Variants in ELMO1 observed in about 807,000 individuals in gnomAD.
The protein encoded by ELMO1 is engulfment and cell motility 1, also known as engulfment and cell motility protein 1.
A neutral mutation model predicts 98.9 loss-of-function variants in ELMO1; 26 were observed. That is an observed-to-expected ratio of 0.26 (90% confidence interval 0.19 to 0.36). ELMO1 has a LOEUF of 0.36. Ranked by LOEUF, ELMO1 falls within the 10% of genes least tolerant of loss-of-function variation. The pLI, the probability that ELMO1 is intolerant of heterozygous loss-of-function variation, is 1.00. For missense variants in ELMO1, 627 were observed against 935.2 expected, an observed-to-expected ratio of 0.67 and a Z score of 4.30; for synonymous variants, 346 against 346.0, an observed-to-expected ratio of 1.00 and a Z score of 0.00.
In ELMO1 at chr7:37,104,071, C is replaced by G. The variant is rs1242184571; in HGVS notation, c.1192-7344G>C. ...ACAGAGAAAGGACCAAACTAATGTTCGATAATTTTCTTCCAGTCAAGACGT... is the reference window on the plus strand; with the variant it reads ...ACAGAGAAAGGACCAAACTAATGTTGGATAATTTTCTTCCAGTCAAGACGT... On this transcript the variant is annotated intron_variant, in intron 14 of 21. Transcript: ENST00000310758. Among the ~76,000 whole-genome samples the G allele has an allele frequency of 3.1e-5, 4 of 129,432 alleles. No homozygotes were observed. In the South Asian group the frequency reaches 1.1e-3, roughly 35 times the overall value. The allele number at this position is 129,432 out of a possible 152,430, so 84.9% of individuals were successfully genotyped here.
chr7:37,036,044 AAT>A (rs1363994164), intron 15 of ELMO1, among the ~76,000 whole-genome samples: 1 of 152,214 alleles, frequency 6.6e-6, no homozygotes, highest in Non-Finnish European at 1.5e-5. Flanking sequence ...AACTTTCTGT[AAT>A]GGATTTGTGT....
Position 36,870,798 on chromosome 7 carries a change from A to G in ELMO1, c.1823-323T>C, listed in dbSNP as rs193121224. Reference sequence around the variant, plus strand: ...CATGGCATTAGAAGCAGCAGTAGAAATAACAGTGATTGTAATAACAACAGT... The same window carrying G: ...CATGGCATTAGAAGCAGCAGTAGAAGTAACAGTGATTGTAATAACAACAGT... On this transcript the variant is annotated intron_variant, in intron 19 of 21. Coordinates refer to ENST00000310758, the MANE Select transcript of ELMO1 (RefSeq NM_014800.11). The surrounding 1 kb of genome is among the most constrained non-coding windows in gnomAD (Gnocchi z 4.4). Among the ~76,000 whole-genome samples, 1 of 152,360 alleles carries G rather than the reference A, an allele frequency of 6.6e-6. No individual in the cohort carries two copies. Among genetic ancestry groups the G allele is most frequent in the Non-Finnish European group, 1.5e-5 (1 of 68,028 alleles).
At chr7:37,382,183 A>G (rs1239078394) in intron 1 of ELMO1, among the ~76,000 whole-genome samples, 1 of 152,186 alleles carries the variant, frequency 6.6e-6, no homozygotes, top group Non-Finnish European at 1.5e-5. Context: ...CTACTTAGAA[A>G]CCACTAGGAT....
At position 37,014,270 on chromosome 7, in the gene ELMO1, TCCTCTTA is replaced by T. The variant is rs1793763104; in HGVS notation, c.1301-842_1301-836del. 4.6e-5 allele frequency among the ~76,000 whole-genome samples: 7 copies of T among 152,112 alleles called. No individual in the cohort carries two copies. In the South Asian group the frequency reaches 1.5e-3, roughly 32 times the overall value. ...TTATACCTCATTTGATCTTTACAGT[TCCTCTTA>T]CCACTCGTATCTTATGGATGAGGAT... On this transcript the variant is annotated intron_variant, in intron 15 of 21. Coordinates refer to ENST00000310758, the MANE Select transcript of ELMO1 (RefSeq NM_014800.11).
intron 1 of ELMO1, among the ~76,000 whole-genome samples, chr7:37,448,191 CCG>C (rs559795855): frequency 6.6e-6 from 1 of 151,942 alleles, no homozygotes; most frequent in East Asian, 1.9e-4. Context: ...GGAGAAGACG[CCG>C]AGTCTGAGCC....
intron 1 of ELMO1, among the ~76,000 whole-genome samples, chr7:37,357,968 A>G (rs909408504): frequency 1.3e-5 from 2 of 152,186 alleles, no homozygotes; most frequent in African/African-American, 4.8e-5. Context: ...TTGGGGGGAA[A>G]GTGGTCTGTG....
chr7:37,223,717 C>G (rs979963187), intron 9 of ELMO1, among the ~76,000 whole-genome samples: 1 of 152,160 alleles, frequency 6.6e-6, no homozygotes, highest in African/African-American at 2.4e-5. Context: ...CTTACATTAT[C>G]ATCATTTTGA....
intron 16 of ELMO1, chr7:36,986,364 G>T: frequency 3.1e-6 from 2 of 646,174 alleles, no homozygotes; most frequent in Non-Finnish European, 3.8e-6. Flanking sequence ...AGTGTCCTAT[G>T]CTCTTTTGTC....
intron 17 of ELMO1, among the ~76,000 whole-genome samples, chr7:36,891,702 T>G (rs1805566973): frequency 6.6e-6 from 1 of 152,242 alleles, no homozygotes; most frequent in South Asian, 2.1e-4. Context: ...AATCCAATGA[T>G]GTAGACATTT....
intron 16 of ELMO1, among the ~76,000 whole-genome samples, chr7:36,995,607 C>A (rs572726233): frequency 1.7e-4 from 26 of 151,914 alleles, no homozygotes; most frequent in African/African-American, 6.0e-4. Context: ...TACTACAAAA[C>A]ATGTTTCTGA....
chr7:37,010,842 T>G (rs1793495308), intron 16 of ELMO1, among the ~76,000 whole-genome samples: 1 of 152,184 alleles, frequency 6.6e-6, no homozygotes, highest in Admixed American at 6.5e-5. Context: ...TCTGGTTACA[T>G]AAGTAAGGCA....
chr7:37,283,102 TG>T (rs1797224764), intron 4 of ELMO1, among the ~76,000 whole-genome samples: 1 of 152,082 alleles, frequency 6.6e-6, no homozygotes, highest in African/African-American at 2.4e-5. Flanking sequence ...CAGACAGAGA[TG>T]GGTAGACAGT....
intron 1 of ELMO1, among the ~76,000 whole-genome samples, chr7:37,373,966 A>G (rs1482257527): frequency 2.0e-5 from 3 of 152,196 alleles, no homozygotes; most frequent in Admixed American, 6.5e-5. Flanking sequence ...CATTATGGGG[A>G]AAATGTACAG....
At chr7:37,157,856 A>G (rs955280977) in intron 13 of ELMO1, among the ~76,000 whole-genome samples, 9 of 152,240 alleles carry the variant, frequency 5.9e-5, no homozygotes, top group East Asian at 1.9e-4. Context: ...AGTCAATCCT[A>G]AGCCAAAAGA....
chr7:37,359,419 G>A (rs1358742514), intron 1 of ELMO1, among the ~76,000 whole-genome samples: 2 of 152,162 alleles, frequency 1.3e-5, no homozygotes, highest in Non-Finnish European at 2.9e-5. Context: ...GCAAACCACA[G>A]TACCTATGTC....
At chr7:36,973,780 C>A (rs576242490) in intron 16 of ELMO1, among the ~76,000 whole-genome samples, 1 of 152,144 alleles carries the variant, frequency 6.6e-6, no homozygotes, top group African/African-American at 2.4e-5. Context: ...CTGCGCGCGG[C>A]GCTTGCGAGC....
chr7:37,228,982 ACT>A (rs930423708), intron 8 of ELMO1, among the ~76,000 whole-genome samples: 75 of 152,226 alleles, frequency 4.9e-4, no homozygotes, highest in Middle Eastern at 3.4e-3. Context: ...ACGGAGCGAG[ACT>A]CTGTCTCAAA....
chr7:36,890,760 ATTAT>A (rs1283327594), intron 17 of ELMO1, among the ~76,000 whole-genome samples: 1 of 152,120 alleles, frequency 6.6e-6, no homozygotes, highest in Non-Finnish European at 1.5e-5. Context: ...CATCAGAGGG[ATTAT>A]TTAAACACCT....
At chr7:37,338,738 T>C (rs73691696) in intron 2 of ELMO1, among the ~76,000 whole-genome samples, 8,557 of 152,134 alleles carry the variant, frequency 0.056, 332 homozygotes, top group African/African-American at 0.095. Flanking sequence ...ACAACAAGCA[T>C]CCTCATCCTC....
Sources: gnomAD v4.1 joint callset for allele counts (sites outside exome capture counted in the v4.1 genomes callset) on GRCh38, gnomAD v4.1.1 for gene constraint, Gnocchi (gnomAD v3.1) non-coding constraint, MANE v1.5 for transcripts, NCBI Gene and HGNC (gene_info 2026-07-23, HGNC 2026-07-21) for gene names.